SIPA1L3: variants seen among roughly 807,000 people sequenced by gnomAD.
The protein encoded by SIPA1L3 is signal induced proliferation associated 1 like 3, also known as signal-induced proliferation-associated 1-like protein 3.
SIPA1L3 carries 59 observed loss-of-function variants against 150.1 expected under a neutral mutation model. The ratio of observed to expected loss-of-function variants is 0.39; its 90% CI spans 0.32 to 0.49. SIPA1L3 has a LOEUF of 0.49. Among genes scored for constraint, SIPA1L3 ranks in the 20% least tolerant of loss-of-function variants. SIPA1L3 has a pLI of 0.86. For missense variants in SIPA1L3, 2,211 were observed against 2,489.5 expected (o/e 0.89, Z 2.38); for synonymous variants, 1,070 against 1,077.6 (o/e 0.99, Z 0.14).
intron 15 of SIPA1L3, among the ~76,000 whole-genome samples, chr19:38,170,167 A>G (rs1256112252): frequency 6.6e-6 from 1 of 152,140 alleles, no homozygotes; most frequent in Non-Finnish European, 1.5e-5. Context: ...TGAGCTAGCC[A>G]GGGAAGTCAG....
intron 1 of SIPA1L3, among the ~76,000 whole-genome samples, chr19:37,951,182 G>A (rs971440500): frequency 1.3e-5 from 2 of 152,230 alleles, no homozygotes; most frequent in Admixed American, 6.5e-5. Context: ...TCACAGTACC[G>A]TAAGGCTGTC....
chr19:38,193,477 G>C, intron 17 of SIPA1L3, 60 bp from the exon 18 acceptor site: 1 of 1,406,972 alleles, frequency 7.1e-7, no homozygotes, highest in Non-Finnish European at 9.2e-7. Context: ...AGATGCCTCT[G>C]AGGACCCTGG....
chr19:38,197,389 G>A (rs991478881), intron 18 of SIPA1L3, among the ~76,000 whole-genome samples: 10 of 152,018 alleles, frequency 6.6e-5, no homozygotes, highest in African/African-American at 1.9e-4. Flanking sequence ...CAGCAGGTGC[G>A]AGTGCAGTGC....
intron 13 of SIPA1L3, among the ~76,000 whole-genome samples, chr19:38,161,156 A>G: frequency 6.6e-6 from 1 of 151,126 alleles, no homozygotes; most frequent in East Asian, 2.0e-4. Flanking sequence ...AGCCTGGCCA[A>G]GATGGTGAAA....
intron 14 of SIPA1L3, 133 bp downstream of exon 14, chr19:38,162,504 A>T: frequency 2.9e-6 from 2 of 684,560 alleles, no homozygotes; most frequent in Non-Finnish European, 2.6e-6. Context: ...ACTTGGTCTG[A>T]GTTGGAACCA....
intron 2 of SIPA1L3, among the ~76,000 whole-genome samples, chr19:38,038,444 G>A (rs1334329122): frequency 6.6e-6 from 1 of 152,078 alleles, no homozygotes; most frequent in African/African-American, 2.4e-5. Flanking sequence ...ACAAAAATTA[G>A]CCAGGCATGG....
At chr19:38,119,171 G>T in intron 8 of SIPA1L3, 135 bp from the exon 9 acceptor site, 1 of 833,728 alleles carries the variant, frequency 1.2e-6, no homozygotes, top group Admixed American at 2.8e-5. Flanking sequence ...ACTCCAGCCT[G>T]GGTGACAGAG....
intron 1 of SIPA1L3, among the ~76,000 whole-genome samples, chr19:37,944,216 T>G (rs989394916): frequency 1.3e-5 from 2 of 151,414 alleles, no homozygotes; most frequent in Admixed American, 6.6e-5. Flanking sequence ...AGGTGGAGGT[T>G]GCAGTGAGCT....
At chr19:38,028,692 C>CTTTTTT (rs568012391) in intron 1 of SIPA1L3, among the ~76,000 whole-genome samples, 1 of 136,008 alleles carries the variant, frequency 7.4e-6, no homozygotes, top group Non-Finnish European at 1.6e-5. Flanking sequence ...TCAGTAAATA[C>CTTTTTT]TTTTTTTTTT....
chr19:38,161,540 T>A (rs1173905361), intron 13 of SIPA1L3, among the ~76,000 whole-genome samples: 1 of 151,810 alleles, frequency 6.6e-6, no homozygotes, highest in Non-Finnish European at 1.5e-5. Flanking sequence ...CTGGCCAATA[T>A]GGTGAAACCC....
chr19:38,010,328 A>G (rs1344118704), intron 1 of SIPA1L3, among the ~76,000 whole-genome samples: 2 of 151,818 alleles, frequency 1.3e-5, no homozygotes, highest in East Asian at 3.9e-4. Context: ...GGATCACTGT[A>G]GTCCAGGAGT....
Position 38,198,408 on chromosome 19 carries a change from G to A in SIPA1L3, c.4860G>A (p.Glu1620=), listed in dbSNP as rs1353946336. The change falls in exon 19 of 22, where the codon GAG becomes GAA. Residue 1620 remains glutamate, a synonymous_variant. Coordinates refer to ENST00000222345, the MANE Select transcript of SIPA1L3 (RefSeq NM_015073.3). Reference sequence around the variant, plus strand: ...ATCCAGCCACCATCTCAGCCTCGGAGCTCTCGCTGGCTGATGGGCGGGACC... The same window carrying A: ...ATCCAGCCACCATCTCAGCCTCGGAACTCTCGCTGGCTGATGGGCGGGACC... ...PEKKSTISAS[E]LSLADGRDRP... is the part of the protein sequence containing the mutation. 1.9e-6 allele frequency: 3 copies of A among 1,577,644 alleles called. No homozygotes were observed. The highest frequency in any genetic ancestry group is 2.6e-6 in the Non-Finnish European group (3 of 1,164,156).
chr19:38,159,097 T>C (rs1972016161), intron 13 of SIPA1L3, among the ~76,000 whole-genome samples: 1 of 152,178 alleles, frequency 6.6e-6, no homozygotes, highest in Admixed American at 6.6e-5. Context: ...AGGAAAACCA[T>C]CAATGGAGGC....
chr19:38,130,702 G>A lies in SIPA1L3; in HGVS notation c.3073G>A (p.Asp1025Asn). ...VVTLTHDQMI[D>N]LLRTSVTVKV... ...CACACTGACCCACGACCAGATGATC[G>A]ACCTGCTGCGCACCTCTGTCACTGT... The change falls in exon 10 of 22, where the codon GAC becomes AAC. Residue 1025 changes from aspartate to asparagine, a missense_variant. Coordinates refer to ENST00000222345, the MANE Select transcript of SIPA1L3 (RefSeq NM_015073.3). The A allele has an allele frequency of 1.2e-6, 2 of 1,614,078 alleles. No individual in the cohort carries two copies. The highest frequency in any genetic ancestry group is 8.5e-7 in the Non-Finnish European group (1 of 1,180,026).
chr19:38,116,525 C>T (rs56116112), intron 8 of SIPA1L3, among the ~76,000 whole-genome samples: 998 of 83,404 alleles, frequency 0.012, 6 homozygotes, highest in Non-Finnish European at 0.019. Flanking sequence ...GACTCTGTCT[C>T]AAAAAAAAAA....
intron 1 of SIPA1L3, among the ~76,000 whole-genome samples, chr19:37,944,975 A>G (rs1293131410): frequency 6.6e-6 from 1 of 152,120 alleles, no homozygotes; most frequent in Non-Finnish European, 1.5e-5. Context: ...AAATAAATGC[A>G]TTCAATACAC....
At chr19:38,063,875 C>T (rs184935365) in intron 2 of SIPA1L3, among the ~76,000 whole-genome samples, 235 of 152,338 alleles carry the variant, frequency 1.5e-3, no homozygotes, top group Non-Finnish European at 2.9e-3. Flanking sequence ...CCAGGGCCTG[C>T]GGCTTGATCA....
At chr19:38,053,293 T>A (rs1291676467) in intron 2 of SIPA1L3, among the ~76,000 whole-genome samples, 4 of 152,266 alleles carry the variant, frequency 2.6e-5, no homozygotes, top group African/African-American at 9.6e-5. Flanking sequence ...TGGGCCCTTC[T>A]TGTAAAGCAG....
chr19:37,988,442 G>A (rs1331373925), intron 1 of SIPA1L3, among the ~76,000 whole-genome samples: 1 of 152,154 alleles, frequency 6.6e-6, no homozygotes, highest in African/African-American at 2.4e-5. Context: ...TTGGGAGGCC[G>A]AGGCGGGTGG....
Sources: allele counts gnomAD v4.1 joint callset (sites outside exome capture counted in the v4.1 genomes callset), GRCh38; gene constraint gnomAD v4.1.1; transcripts MANE v1.5; gene names NCBI Gene and HGNC (gene_info 2026-07-23, HGNC 2026-07-21).